STAB2: variants seen among roughly 807,000 people sequenced by gnomAD.
STAB2 encodes the protein stabilin-2.
Under a neutral mutation model 338.1 loss-of-function variants are expected in STAB2, and 288 were observed. That is an observed-to-expected ratio of 0.85 (90% CI 0.77 to 0.94). The LOEUF is 0.94. Ranked by LOEUF, STAB2 falls within the 40% of genes least tolerant of loss-of-function variation. The probability of loss-of-function intolerance (pLI) is 0.00; values close to 1 mark genes in which losing one functional copy is unlikely to be tolerated. For synonymous variants in STAB2, 1,202 were observed against 1,193.3 expected (o/e 1.01, Z -0.15); for missense variants, 3,141 against 3,210.1 (o/e 0.98, Z 0.52).
intron 20 of STAB2, chr12:103,669,295 A>G: frequency 4.5e-6 from 2 of 439,684 alleles, no homozygotes; most frequent in Non-Finnish European, 4.1e-6. Context: ...CTCCACAAGC[A>G]TGAGCCTTCC....
intron 6 of STAB2, among the ~76,000 whole-genome samples, chr12:103,636,751 A>G (rs1483935803): frequency 6.6e-6 from 1 of 152,190 alleles, no homozygotes; most frequent in Non-Finnish European, 1.5e-5. Context: ...TTTGACAGCC[A>G]TCTACGTCAC....
At chr12:103,686,680 A>AT (rs1225051598) in intron 27 of STAB2, among the ~76,000 whole-genome samples, 1 of 152,062 alleles carries the variant, frequency 6.6e-6, no homozygotes, top group Non-Finnish European at 1.5e-5. Flanking sequence ...TAATTTTTGT[A>AT]TTTTTTATAG....
intron 5 of STAB2, among the ~76,000 whole-genome samples, chr12:103,628,198 T>A (rs1178685543): frequency 1.3e-5 from 2 of 152,244 alleles, no homozygotes. Context: ...CCAATTTAAT[T>A]CTTCAGTTAT....
At chr12:103,698,057 G>A (rs1046174910) in intron 33 of STAB2, among the ~76,000 whole-genome samples, 9 of 152,198 alleles carry the variant, frequency 5.9e-5, no homozygotes, top group African/African-American at 1.9e-4. Context: ...AGGTGCCACT[G>A]CAGGGAAGAG....
At chr12:103,649,455 G>C (rs1043689358) in intron 10 of STAB2, among the ~76,000 whole-genome samples, 3 of 152,106 alleles carry the variant, frequency 2.0e-5, no homozygotes, top group African/African-American at 7.2e-5. Flanking sequence ...TATTATAACT[G>C]ATCACAGCAT....
intron 44 of STAB2, among the ~76,000 whole-genome samples, chr12:103,723,556 G>C (rs1009523083): frequency 6.6e-6 from 1 of 152,234 alleles, no homozygotes; most frequent in African/African-American, 2.4e-5. Context: ...TCTAGAGAGA[G>C]GGAAATTAAA....
intron 5 of STAB2, among the ~76,000 whole-genome samples, chr12:103,625,256 T>G (rs940100582): frequency 6.6e-6 from 1 of 152,188 alleles, no homozygotes; most frequent in Non-Finnish European, 1.5e-5. Flanking sequence ...TGAGCACAGA[T>G]GCGCAGGGAA....
Position 103,740,748 on chromosome 12 carries a change from A to G in STAB2, c.5873A>G (p.Asp1958Gly). The G allele has an allele frequency of 6.3e-7, 1 of 1,583,078 alleles. No individual in the cohort carries two copies. The highest frequency in any genetic ancestry group is 1.4e-5 in the African/African-American group (1 of 73,050). The change falls in exon 55 of 69, where the codon GAC becomes GGC. Residue 1958 changes from aspartate (D) to glycine (G), a missense_variant. Coordinates refer to ENST00000388887, the MANE Select transcript of STAB2 (RefSeq NM_017564.10). ...PRCCKGYFGR[D>G]CQACPGGPDA... is the part of the protein sequence containing the mutation. ...TGCTGCAAGGGCTACTTCGGGCGAGACTGTCAGGGTGAGGGTGCCTCTTCC... is the reference window on the plus strand; with the variant it reads ...TGCTGCAAGGGCTACTTCGGGCGAGGCTGTCAGGGTGAGGGTGCCTCTTCC...
intron 26 of STAB2, among the ~76,000 whole-genome samples, chr12:103,683,750 C>A (rs1392121104): frequency 6.6e-6 from 1 of 152,184 alleles, no homozygotes; most frequent in East Asian, 1.9e-4. Flanking sequence ...TACAAGTTAT[C>A]GGTGAAAATG....
intron 20 of STAB2, 22 bp downstream of exon 20, chr12:103,668,751 C>T (rs1359492408): frequency 3.9e-6 from 6 of 1,528,458 alleles, no homozygotes; most frequent in Non-Finnish European, 5.3e-6. Flanking sequence ...GTGGCCGAGG[C>T]CCAGTCTAGG....
chr12:103,698,301 C>G (rs1187149187), intron 33 of STAB2, among the ~76,000 whole-genome samples: 5 of 152,128 alleles, frequency 3.3e-5, no homozygotes, highest in African/African-American at 1.2e-4. Context: ...CTCTCCTTCC[C>G]CACAGGATGT....
intron 3 of STAB2, among the ~76,000 whole-genome samples, chr12:103,607,237 A>T (rs1232808751): frequency 6.6e-6 from 1 of 151,892 alleles, no homozygotes; most frequent in Non-Finnish European, 1.5e-5. Flanking sequence ...TTTTTTTTTC[A>T]AATACATTTT....
chr12:103,643,580 G>C (rs1454786525), intron 9 of STAB2, among the ~76,000 whole-genome samples: 1 of 152,122 alleles, frequency 6.6e-6, no homozygotes, highest in Non-Finnish European at 1.5e-5. Flanking sequence ...TTAGGGTCCA[G>C]AACTGTGATA....
intron 50 of STAB2, 104 bp from the exon 51 acceptor site, chr12:103,732,902 A>G: frequency 7.2e-7 from 1 of 1,392,882 alleles, no homozygotes; most frequent in Non-Finnish European, 9.8e-7. Context: ...GAGTCCCAGT[A>G]AGCCACGGGC....
chr12:103,755,120 C>A, intron 61 of STAB2, 182 bp from the exon 62 acceptor site: 2 of 732,030 alleles, frequency 2.7e-6, no homozygotes, highest in East Asian at 2.6e-5. Flanking sequence ...TTTGTTCACC[C>A]AGTGGCTCAA....
intron 52 of STAB2, among the ~76,000 whole-genome samples, chr12:103,736,770 A>G (rs12298124): frequency 6.6e-6 from 1 of 152,122 alleles, no homozygotes; most frequent in Non-Finnish European, 1.5e-5. Flanking sequence ...CAAGGCTTTA[A>G]CCACAGTTTT....
At chr12:103,705,611 G>A (rs777436464) in intron 36 of STAB2, 21 bp from the exon 37 acceptor site, 18 of 1,610,790 alleles carry the variant, frequency 1.1e-5, no homozygotes, top group East Asian at 2.2e-5. Context: ...AGGAGCTGAC[G>A]TAGTCATTAA....
chr12:103,669,429 TA>T, intron 20 of STAB2, 111 bp from the exon 21 acceptor site: 1 of 929,572 alleles, frequency 1.1e-6, no homozygotes, highest in Non-Finnish European at 1.7e-6. Flanking sequence ...GGCAACCTCA[TA>T]AGGAGAGGCG....
intron 25 of STAB2, among the ~76,000 whole-genome samples, chr12:103,680,223 C>T (rs569718777): frequency 9.9e-5 from 15 of 152,164 alleles, no homozygotes; most frequent in Admixed American, 4.6e-4. Context: ...TGGTTGTACA[C>T]GAATGTGAAT....
Sources: gnomAD v4.1 joint callset for allele counts (sites outside exome capture counted in the v4.1 genomes callset) on GRCh38, gnomAD v4.1.1 for gene constraint, MANE v1.5 for transcripts, NCBI Gene and HGNC (gene_info 2026-07-23, HGNC 2026-07-21) for gene names.